The following CES1 variants were observed in gnomAD, a reference collection of about 807,000 sequenced individuals.
The protein encoded by CES1 is carboxylesterase 1, also known as liver carboxylesterase 1.
A neutral mutation model predicts 53.0 loss-of-function variants in CES1; 50 were observed. The observed-to-expected ratio is 0.94, with a 90% CI of 0.75 to 1.19. The LOEUF (loss-of-function observed/expected upper bound fraction) is 1.19. Ranked by LOEUF, CES1 falls within the 50% of genes most tolerant of loss-of-function variation. The pLI is 0.00. For missense variants in CES1, 534 were observed against 538.0 expected (o/e 0.99, Z 0.07); for synonymous variants, 202 against 210.1 (o/e 0.96, Z 0.33).
rs367752773 is a variant in CES1 at position 55,808,457 on chromosome 16, G to C, written c.1319-1993C>G. Among the ~76,000 whole-genome samples the C allele has an allele frequency of 1.6e-3, 244 of 152,380 alleles. 2 individuals are homozygous for C. In the South Asian group the frequency reaches 0.047, roughly 29 times the overall value. ...GGCTGATGTGCTTCTTGTTGGTGGGGAAGGCTTATGAAACTGGAAGTGTTA... is the reference window on the plus strand; with the variant it reads ...GGCTGATGTGCTTCTTGTTGGTGGGCAAGGCTTATGAAACTGGAAGTGTTA... On this transcript the variant is annotated intron_variant, in intron 11 of 13. Transcript: ENST00000360526.
chr16:55,828,359 G>A (rs561363357), intron 2 of CES1, among the ~76,000 whole-genome samples: 1 of 152,304 alleles, frequency 6.6e-6, no homozygotes, highest in East Asian at 1.9e-4. Flanking sequence ...ATTCAAGACA[G>A]CAGAATTCAT....
chr16:55,823,175 G>A (rs1333866954), intron 4 of CES1, among the ~76,000 whole-genome samples: 1 of 151,230 alleles, frequency 6.6e-6, no homozygotes, highest in African/African-American at 2.4e-5. Flanking sequence ...TGAGAAGTCA[G>A]ATGTGTCAAC....
intron 1 of CES1, among the ~76,000 whole-genome samples, chr16:55,831,064 A>T (rs1156614779): frequency 2.0e-5 from 3 of 152,134 alleles, no homozygotes; most frequent in South Asian, 4.1e-4. Context: ...AAGCCTGGTG[A>T]GGGAGCAGGG....
chr16:55,824,902 G>T (rs2032357186), intron 3 of CES1, among the ~76,000 whole-genome samples: 1 of 152,092 alleles, frequency 6.6e-6, no homozygotes, highest in Non-Finnish European at 1.5e-5. Flanking sequence ...CATTCCTGGA[G>T]GTTCTCCTGA....
intron 1 of CES1, among the ~76,000 whole-genome samples, chr16:55,829,653 G>T (rs188316945): frequency 2.0e-5 from 3 of 152,212 alleles, no homozygotes; most frequent in Admixed American, 2.0e-4. Context: ...GTGGAGTCTG[G>T]GGGGAGTGGA....
intron 9 of CES1, chr16:55,812,534 C>G: frequency 5.7e-6 from 2 of 353,302 alleles, no homozygotes; most frequent in South Asian, 2.8e-5. Context: ...CACACCCAGC[C>G]CGAGGTGGGA....
At chr16:55,831,380 G>C (rs1423484472) in intron 1 of CES1, among the ~76,000 whole-genome samples, 7 of 151,444 alleles carry the variant, frequency 4.6e-5, no homozygotes, top group Non-Finnish European at 7.4e-5. Flanking sequence ...ACAGGATGAG[G>C]TGGATGGCAG....
intron 4 of CES1, among the ~76,000 whole-genome samples, chr16:55,822,074 G>C (rs1166508958): frequency 1.3e-5 from 2 of 152,266 alleles, no homozygotes; most frequent in East Asian, 1.9e-4. Flanking sequence ...GAAAAAGCAA[G>C]TGCAAAGGGC....
chr16:55,825,150 T>C lies in CES1; in HGVS notation c.405+1001A>G, dbSNP rs1453456314. ...CTGAAGCCCCAGGTCTAACTGTGTA[T>C]ATGGGGCACTGAGTACACAATAGAA... is the stretch of plus-strand genomic sequence containing the variant. On this transcript the variant is annotated intron_variant, in intron 3 of 13. Coordinates refer to ENST00000360526, the MANE Select transcript of CES1 (RefSeq NM_001025195.2). 2.6e-5 allele frequency among the ~76,000 whole-genome samples: 4 copies of C among 151,882 alleles called. No individual in the cohort carries two copies. The East Asian group carries it at 7.7e-4, about 29-fold the overall frequency.
At chr16:55,830,951 G>A (rs1385395531) in intron 1 of CES1, among the ~76,000 whole-genome samples, 6 of 152,164 alleles carry the variant, frequency 3.9e-5, no homozygotes, top group African/African-American at 1.4e-4. Context: ...CAAAGAGCTG[G>A]CTTGTAATGC....
intron 4 of CES1, among the ~76,000 whole-genome samples, chr16:55,823,178 G>A (rs2032272561): frequency 6.6e-6 from 1 of 151,224 alleles, no homozygotes; most frequent in Non-Finnish European, 1.5e-5. Flanking sequence ...GAAGTCAGAT[G>A]TGTCAACCTT....
intron 6 of CES1, chr16:55,820,012 G>A (rs1390296290): frequency 1.8e-6 from 1 of 547,528 alleles, no homozygotes; most frequent in South Asian, 2.0e-5. Context: ...GGCAGACCCA[G>A]AGAGACACAA....
At chr16:55,818,914 C>G (rs779878515) in intron 7 of CES1, among the ~76,000 whole-genome samples, 1 of 151,936 alleles carries the variant, frequency 6.6e-6, no homozygotes, top group Non-Finnish European at 1.5e-5. Context: ...GCTGGATGAT[C>G]CATGAATGGT....
intron 9 of CES1, among the ~76,000 whole-genome samples, chr16:55,812,097 C>T (rs1174069260): frequency 6.6e-6 from 1 of 152,232 alleles, no homozygotes; most frequent in Non-Finnish European, 1.5e-5. Flanking sequence ...GAGTCCACTC[C>T]ACGCTGGACT....
intron 8 of CES1, 99 bp downstream of exon 8, chr16:55,816,825 A>C: frequency 7.3e-7 from 1 of 1,368,338 alleles, no homozygotes; most frequent in Non-Finnish European, 1.0e-6. Flanking sequence ...CGCAGGAGTT[A>C]CTATAATTAC....
chr16:55,811,620 A>G (rs567397414), intron 9 of CES1, among the ~76,000 whole-genome samples: 4 of 152,282 alleles, frequency 2.6e-5, no homozygotes, highest in Non-Finnish European at 5.9e-5. Context: ...AGTATCCTTA[A>G]CATAACTGCC....
intron 5 of CES1, 124 bp from the exon 6 acceptor site, chr16:55,820,603 G>T: frequency 6.7e-7 from 1 of 1,485,244 alleles, no homozygotes; most frequent in Non-Finnish European, 9.3e-7. Context: ...CCAGTAGTGG[G>T]CTGACCCTCT....
chr16:55,824,727 G>A (rs2032349685), intron 3 of CES1, among the ~76,000 whole-genome samples: 2 of 152,248 alleles, frequency 1.3e-5, no homozygotes, highest in African/African-American at 4.8e-5. Flanking sequence ...TTTTTAGCCA[G>A]GGACTGAGAT....
At chr16:55,822,717 C>T (rs1213892314) in intron 4 of CES1, among the ~76,000 whole-genome samples, 6 of 151,968 alleles carry the variant, frequency 3.9e-5, no homozygotes, top group East Asian at 1.9e-4. Flanking sequence ...ACAAGAGAGG[C>T]CTGTGGACAG....
Sources: gnomAD v4.1 joint callset for allele counts (sites outside exome capture counted in the v4.1 genomes callset) on GRCh38, gnomAD v4.1.1 for gene constraint, MANE v1.5 for transcripts, NCBI Gene and HGNC (gene_info 2026-07-23, HGNC 2026-07-21) for gene names.